The following GRM8 variants were observed in gnomAD, a reference collection of about 807,000 sequenced individuals.
The protein encoded by GRM8 is glutamate metabotropic receptor 8.
A neutral mutation model predicts 87.2 loss-of-function variants in GRM8; 47 were observed. That is an observed-to-expected ratio of 0.54 (90% CI 0.43 to 0.69). GRM8 has a LOEUF of 0.69. Among genes scored for constraint, GRM8 ranks in the 30% least tolerant of loss-of-function variants. GRM8 has a pLI of 0.00. For missense variants in GRM8, 1,019 were observed against 1,139.2 expected (o/e 0.89, Z 1.52); for synonymous variants, 396 against 404.5 (o/e 0.98, Z 0.25).
chr7:126,997,537 C>T (rs868016831), intron 3 of GRM8, among the ~76,000 whole-genome samples: 2 of 138,102 alleles, frequency 1.4e-5, no homozygotes, highest in South Asian at 4.6e-4. Context: ...AAACCTTTAG[C>T]CAGACTAAGA....
intron 3 of GRM8, among the ~76,000 whole-genome samples, chr7:126,931,592 T>C (rs557060763): frequency 3.9e-5 from 6 of 152,336 alleles, no homozygotes; most frequent in African/African-American, 1.2e-4. Context: ...AAAATACTAG[T>C]ATTATCTCAA....
rs1797609044 is a variant in GRM8, at chr7:126,600,317, G to C, written c.1494+9045C>G. 2.0e-5 allele frequency among the ~76,000 whole-genome samples: 3 copies of C among 152,110 alleles called. No homozygotes were observed. The South Asian group carries it at 6.2e-4, about 31-fold the overall frequency. On this transcript the variant is annotated intron_variant, in intron 8 of 10. Coordinates refer to ENST00000339582, the MANE Select transcript of GRM8 (RefSeq NM_000845.3). ...CATTGGTTTTTTTCAATCGAACACA[G>C]ACAGAAAATATTGTATTGGCAGATG...
intron 2 of GRM8, among the ~76,000 whole-genome samples, chr7:127,170,484 T>C (rs1224271798): frequency 6.6e-6 from 1 of 152,290 alleles, no homozygotes; most frequent in East Asian, 1.9e-4. Flanking sequence ...GCAATCCCAC[T>C]ACTGAGTACC....
chr7:126,633,388 C>A (rs1209370032), intron 7 of GRM8, among the ~76,000 whole-genome samples: 1 of 151,986 alleles, frequency 6.6e-6, no homozygotes, highest in Admixed American at 6.6e-5. Flanking sequence ...ATGTTAGTAC[C>A]AGAAAATAAA....
chr7:126,732,697 C>G (rs1405282754), intron 7 of GRM8, among the ~76,000 whole-genome samples: 2 of 152,068 alleles, frequency 1.3e-5, no homozygotes, highest in Non-Finnish European at 2.9e-5. Context: ...CAGCATATCA[C>G]AAAACCCACA....
At chr7:126,614,882 C>T (rs1173572733) in intron 7 of GRM8, among the ~76,000 whole-genome samples, 1 of 152,104 alleles carries the variant, frequency 6.6e-6, no homozygotes, top group East Asian at 1.9e-4. Context: ...TGTGAAAAGA[C>T]CAAATCTACG....
chr7:126,583,788 C>A (rs2044828212), intron 8 of GRM8, among the ~76,000 whole-genome samples: 1 of 152,158 alleles, frequency 6.6e-6, no homozygotes. Flanking sequence ...AGAATCTACT[C>A]CTGCTGACGA....
chr7:126,699,825 C>G, intron 7 of GRM8, among the ~76,000 whole-genome samples: 1 of 152,166 alleles, frequency 6.6e-6, no homozygotes, highest in East Asian at 1.9e-4. Flanking sequence ...GGCTGCATCT[C>G]TCCAGTTGCA....
intron 3 of GRM8, among the ~76,000 whole-genome samples, chr7:127,085,511 G>A (rs1015226855): frequency 3.3e-5 from 5 of 152,134 alleles, no homozygotes; most frequent in African/African-American, 9.7e-5. Context: ...TCTAACTGGC[G>A]TGAGATGGTA....
At chr7:126,859,897 G>T (rs1798007671) in intron 6 of GRM8, among the ~76,000 whole-genome samples, 1 of 152,022 alleles carries the variant, frequency 6.6e-6, no homozygotes, top group African/African-American at 2.4e-5. Flanking sequence ...ATGTTAACTG[G>T]GAAGAGTGAA....
At chr7:126,906,008 C>A (rs1462743344) in intron 3 of GRM8, among the ~76,000 whole-genome samples, 1 of 152,132 alleles carries the variant, frequency 6.6e-6, no homozygotes, top group African/African-American at 2.4e-5. Context: ...ATGCCAAATT[C>A]TGTAGGCTGA....
chr7:126,752,015 T>A (rs1278834275), intron 7 of GRM8, among the ~76,000 whole-genome samples: 1 of 151,886 alleles, frequency 6.6e-6, no homozygotes, highest in East Asian at 1.9e-4. Context: ...CAGCAAAGAG[T>A]TAAACCTCAA....
chr7:127,152,637 C>G (rs1792467165), intron 2 of GRM8, among the ~76,000 whole-genome samples: 1 of 152,106 alleles, frequency 6.6e-6, no homozygotes, highest in Admixed American at 6.6e-5. Context: ...GGAAGGTCAG[C>G]CTAGTGTCCT....
intron 1 of GRM8, among the ~76,000 whole-genome samples, chr7:127,247,999 G>A (rs915860098): frequency 3.9e-5 from 6 of 152,122 alleles, no homozygotes; most frequent in Non-Finnish European, 8.8e-5. Context: ...AAATTGGAAA[G>A]TAATTATTTG....
At position 126,443,816 on chromosome 7, in the gene GRM8, C is replaced by T. The variant is rs143229503; in HGVS notation, c.2677+2310G>A. Among the ~76,000 whole-genome samples, 72 of 151,878 alleles carry T rather than the reference C, an allele frequency of 4.7e-4. 1 individual carries two copies. The East Asian group carries it at 0.013, about 28-fold the overall frequency. On this transcript the variant is annotated intron_variant, in intron 10 of 10. Transcript: ENST00000339582. ...CATGCAGGCTATATAATTTCCATTTCAACATTAATAGAAAATAACCAAAGG... is the reference window on the plus strand; with the variant it reads ...CATGCAGGCTATATAATTTCCATTTTAACATTAATAGAAAATAACCAAAGG...
rs200345236 is a variant in GRM8, at chr7:126,616,566, C to T, written c.1358-7068G>A. Among the ~76,000 whole-genome samples the T allele has an allele frequency of 1.6e-4, 24 of 152,078 alleles. No homozygotes were observed. The East Asian group carries it at 4.6e-3, about 29-fold the overall frequency. The stretch of plus-strand genomic sequence containing the variant: ...GAGATAGAGACACAAAAAAACTCTT[C>T]AAAAAATCAATGAATCCAGGAGCTG... On this transcript the variant is annotated intron_variant, in intron 7 of 10. Transcript: ENST00000339582.
intron 8 of GRM8, among the ~76,000 whole-genome samples, chr7:126,547,448 TTA>T (rs1193600407): frequency 2.0e-5 from 3 of 151,894 alleles, no homozygotes; most frequent in Non-Finnish European, 2.9e-5. Context: ...ACTATAATTA[TTA>T]TGTTTAATAA....
chr7:126,466,204 G>A (rs149004389), intron 9 of GRM8, among the ~76,000 whole-genome samples: 1 of 151,704 alleles, frequency 6.6e-6, no homozygotes. Context: ...TCTAAAGAAT[G>A]TAATGGTTCC....
intron 3 of GRM8, among the ~76,000 whole-genome samples, chr7:126,931,755 G>C (rs936707146): frequency 6.6e-6 from 1 of 152,188 alleles, no homozygotes. Context: ...TGAGTCCACT[G>C]CTTCCTCAAT....
Sources: gnomAD v4.1 joint callset for allele counts (sites outside exome capture counted in the v4.1 genomes callset) on GRCh38, gnomAD v4.1.1 for gene constraint, MANE v1.5 for transcripts, NCBI Gene and HGNC (gene_info 2026-07-23, HGNC 2026-07-21) for gene names.